Variants in HMGCLL1 observed in about 807,000 individuals in gnomAD.
HMGCLL1 encodes the protein 3-hydroxy-3-methylglutaryl-CoA lyase like 1.
A neutral mutation model predicts 39.1 loss-of-function variants in HMGCLL1; 36 were observed. The ratio of observed to expected loss-of-function variants is 0.92; its 90% CI spans 0.71 to 1.22. HMGCLL1 has a LOEUF of 1.22. Ranked by LOEUF, HMGCLL1 falls within the 50% of genes most tolerant of loss-of-function variation. HMGCLL1 has a pLI of 0.00. For missense variants in HMGCLL1, 451 were observed against 416.5 expected (o/e 1.08, Z -0.72); for synonymous variants, 149 against 144.0 (o/e 1.03, Z -0.25).
intron 7 of HMGCLL1, among the ~76,000 whole-genome samples, chr6:55,477,544 TAA>T (rs1407447297): frequency 1.6e-5 from 2 of 125,734 alleles, no homozygotes; most frequent in Non-Finnish European, 3.2e-5. Flanking sequence ...TATATATAAA[TAA>T]ATGATGGACC....
chr6:55,624,576 AC>A, the HMGCLL1 span, among the ~76,000 whole-genome samples: 1 of 152,148 alleles, frequency 6.6e-6, no homozygotes, highest in African/African-American at 2.4e-5. Flanking sequence ...GCAAGATATC[AC>A]ATTGGTCCAT....
chr6:55,575,895 T>A (rs1771737538), intron 1 of HMGCLL1, among the ~76,000 whole-genome samples: 1 of 152,232 alleles, frequency 6.6e-6, no homozygotes, highest in African/African-American at 2.4e-5. Flanking sequence ...CCAATCATTT[T>A]GTTGGACCTT....
At chr6:55,482,533 T>C (rs1421933147) in intron 7 of HMGCLL1, among the ~76,000 whole-genome samples, 1 of 152,118 alleles carries the variant, frequency 6.6e-6, no homozygotes, top group Non-Finnish European at 1.5e-5. Flanking sequence ...TTCCAAAATG[T>C]CTATTTAGAA....
intron 5 of HMGCLL1, among the ~76,000 whole-genome samples, chr6:55,503,527 C>G (rs1263280249): frequency 1.4e-5 from 2 of 138,444 alleles, no homozygotes; most frequent in South Asian, 4.8e-4. Context: ...TATAAAATTT[C>G]TGTGTGTGTA....
intron 3 of HMGCLL1, among the ~76,000 whole-genome samples, chr6:55,525,745 T>C (rs748973324): frequency 1.3e-5 from 2 of 151,996 alleles, no homozygotes; most frequent in Non-Finnish European, 2.9e-5. Context: ...TCTCTGAGAC[T>C]GTAAACTGGA....
At chr6:55,559,580 G>A (rs1179694269) in intron 1 of HMGCLL1, among the ~76,000 whole-genome samples, 1 of 152,052 alleles carries the variant, frequency 6.6e-6, no homozygotes, top group Non-Finnish European at 1.5e-5. Flanking sequence ...AAGGAGCGTG[G>A]GTCCTGGAAT....
At chr6:55,622,117 T>C in the HMGCLL1 span, among the ~76,000 whole-genome samples, 7 of 152,150 alleles carry the variant, frequency 4.6e-5, no homozygotes, top group African/African-American at 1.7e-4. Flanking sequence ...TTTTTGTATA[T>C]TGACTTTGTA....
At chr6:55,674,598 C>T in the HMGCLL1 span, among the ~76,000 whole-genome samples, 1 of 151,926 alleles carries the variant, frequency 6.6e-6, no homozygotes, top group Non-Finnish European at 1.5e-5. Flanking sequence ...AGCTAGATAA[C>T]CATACTTTTG....
At position 55,434,753 on chromosome 6, in the gene HMGCLL1, T is replaced by A. The variant is rs7760132; in HGVS notation, c.*909A>T. On this transcript the variant is annotated 3_prime_UTR_variant, in exon 9 of 9. Transcript: ENST00000274901. ...AATAATGTGGGTAAGCAAAGCACCA[T>A]GAATAAAAGGAAAATGGGTATTTCA... 1 of 152,052 alleles carries A rather than the reference T, an allele frequency of 6.6e-6. No homozygotes were observed. The highest frequency in any genetic ancestry group is 1.5e-5 in the Non-Finnish European group (1 of 67,998). The allele number at this position is 152,052 out of a possible 1,614,324, so 9.4% of individuals were successfully genotyped here.
At chr6:55,613,104 GA>G in the HMGCLL1 span, among the ~76,000 whole-genome samples, 6 of 151,348 alleles carry the variant, frequency 4.0e-5, no homozygotes, top group Middle Eastern at 3.4e-3. Context: ...AAATTCACAA[GA>G]AAAAAAACTC....
chr6:55,551,098 T>C (rs192076692), intron 1 of HMGCLL1, among the ~76,000 whole-genome samples: 1 of 150,656 alleles, frequency 6.6e-6, no homozygotes, highest in East Asian at 1.9e-4. Flanking sequence ...ATGTTTATGA[T>C]GAGGACCTTG....
chr6:55,517,296 CAA>C (rs1312568507), intron 3 of HMGCLL1, among the ~76,000 whole-genome samples: 3 of 152,010 alleles, frequency 2.0e-5, no homozygotes, highest in South Asian at 4.1e-4. Flanking sequence ...CAGTTTGCCA[CAA>C]AGTCTAAGAA....
chr6:55,501,071 C>T lies in HMGCLL1; in HGVS notation c.543-1772G>A, dbSNP rs558603119. On this transcript the variant is annotated intron_variant, in intron 5 of 8. Transcript: ENST00000274901. ...GGCATTTTTATTTATTCACACTTTCCCTCCAGGACATTTCCATGCCTGTGT... is the reference window on the plus strand; with the variant it reads ...GGCATTTTTATTTATTCACACTTTCTCTCCAGGACATTTCCATGCCTGTGT... Among the ~76,000 whole-genome samples, 8 of 150,840 alleles carry T rather than the reference C, an allele frequency of 5.3e-5. No homozygotes were observed. In the East Asian group the frequency reaches 9.9e-4, roughly 19 times the overall value.
At chr6:55,632,409 A>AC in the HMGCLL1 span, among the ~76,000 whole-genome samples, 29 of 150,196 alleles carry the variant, frequency 1.9e-4, no homozygotes, top group African/African-American at 6.3e-4. Context: ...TATTATATAG[A>AC]TAATTTCTTA....
chr6:55,553,629 A>G (rs926415028), intron 1 of HMGCLL1, among the ~76,000 whole-genome samples: 1 of 152,144 alleles, frequency 6.6e-6, no homozygotes, highest in African/African-American at 2.4e-5. Context: ...GGATTAAATG[A>G]GAATGTGTAT....
At chr6:55,532,149 A>C (rs1768722359) in intron 3 of HMGCLL1, among the ~76,000 whole-genome samples, 1 of 152,106 alleles carries the variant, frequency 6.6e-6, no homozygotes, top group African/African-American at 2.4e-5. Flanking sequence ...TCTAAGAACA[A>C]AGAAAACCCA....
chr6:55,622,887 T>C, the HMGCLL1 span, among the ~76,000 whole-genome samples: 1 of 152,028 alleles, frequency 6.6e-6, no homozygotes, highest in Non-Finnish European at 1.5e-5. Flanking sequence ...AGGCATTGGG[T>C]CCTGGGCTTT....
At chr6:55,605,722 T>C in the HMGCLL1 span, among the ~76,000 whole-genome samples, 1 of 152,182 alleles carries the variant, frequency 6.6e-6, no homozygotes, top group African/African-American at 2.4e-5. Context: ...CTATTTTCTA[T>C]AGTGCTGTAT....
intron 5 of HMGCLL1, among the ~76,000 whole-genome samples, chr6:55,502,713 G>T (rs9382498): frequency 0.12 from 17,804 of 147,402 alleles, 1,293 homozygotes; most frequent in East Asian, 0.24. Context: ...TAAAGATCTG[G>T]TTTTTTTTTT....
Sources: allele counts gnomAD v4.1 joint callset (sites outside exome capture counted in the v4.1 genomes callset), GRCh38; gene constraint gnomAD v4.1.1; transcripts MANE v1.5; gene names NCBI Gene and HGNC (gene_info 2026-07-23, HGNC 2026-07-21).